COL5A2: variants seen among roughly 807,000 people sequenced by gnomAD.
The protein encoded by COL5A2 is collagen type V alpha 2 chain.
A neutral mutation model predicts 208.2 loss-of-function variants in COL5A2; 23 were observed. That is an observed-to-expected ratio of 0.11 (90% CI 0.08 to 0.16). The LOEUF (loss-of-function observed/expected upper bound fraction) is 0.16. Among genes scored for constraint, COL5A2 ranks in the 10% least tolerant of loss-of-function variants. The pLI is 1.00. For synonymous variants in COL5A2, 625 were observed against 628.5 expected, an observed-to-expected ratio of 0.99 and a Z score of 0.08; for missense variants, 1,590 against 1,956.4, an observed-to-expected ratio of 0.81 and a Z score of 3.53.
chr2:189,422,216 C>A, the COL5A2 span, among the ~76,000 whole-genome samples: 1 of 151,932 alleles, frequency 6.6e-6, no homozygotes, highest in Non-Finnish European at 1.5e-5. Context: ...AACTGCCCGA[C>A]AAAACATTTA....
intron 43 of COL5A2, 58 bp downstream of exon 43, chr2:189,050,511 C>A: frequency 7.4e-7 from 1 of 1,350,974 alleles, no homozygotes; most frequent in South Asian, 1.3e-5. Context: ...AAAATCAATT[C>A]TCTAAACAAT....
At chr2:189,328,433 T>C in the COL5A2 span, among the ~76,000 whole-genome samples, 5,536 of 152,244 alleles carry the variant, frequency 0.036, 114 homozygotes, top group Admixed American at 0.05. Flanking sequence ...GGCAGCACCT[T>C]CCTCAGGCCC....
the COL5A2 span, among the ~76,000 whole-genome samples, chr2:189,413,643 A>T: frequency 6.6e-6 from 1 of 152,114 alleles, no homozygotes; most frequent in Admixed American, 6.5e-5. Flanking sequence ...GGCCGGGTTC[A>T]GTAAAAAGGA....
intron 1 of COL5A2, among the ~76,000 whole-genome samples, chr2:189,201,803 G>A (rs79415415): frequency 6.1e-4 from 92 of 151,828 alleles, no homozygotes; most frequent in Non-Finnish European, 1.1e-3. Context: ...AGAAGGCAGT[G>A]GAATTCTCAA....
chr2:189,071,922 C>A, intron 18 of COL5A2, 118 bp downstream of exon 18: 3 of 688,848 alleles, frequency 4.4e-6, no homozygotes, highest in Non-Finnish European at 7.7e-6. Flanking sequence ...ATACTCTAGG[C>A]TCTTTCCTTA....
chr2:189,255,662 T>A, the COL5A2 span, among the ~76,000 whole-genome samples: 2 of 152,208 alleles, frequency 1.3e-5, no homozygotes, highest in Non-Finnish European at 2.9e-5. Flanking sequence ...TTGGTTCCAA[T>A]GCTAGACATT....
intron 32 of COL5A2, 73 bp downstream of exon 32, chr2:189,058,776 A>G: frequency 2.2e-6 from 3 of 1,350,246 alleles, no homozygotes; most frequent in Non-Finnish European, 3.1e-6. Flanking sequence ...TCCCAGTTTA[A>G]GATTTTAAAA....
chr2:189,254,190 C>A, the COL5A2 span, among the ~76,000 whole-genome samples: 1 of 152,192 alleles, frequency 6.6e-6, no homozygotes, highest in Non-Finnish European at 1.5e-5. Context: ...TCTTACAAAA[C>A]CTTTCCAAAA....
At chr2:189,277,850 A>G in the COL5A2 span, among the ~76,000 whole-genome samples, 1 of 152,124 alleles carries the variant, frequency 6.6e-6, no homozygotes, top group South Asian at 2.1e-4. Flanking sequence ...CTTTGGCAGT[A>G]TATGCATTTG....
At chr2:189,320,033 C>A in the COL5A2 span, among the ~76,000 whole-genome samples, 13 of 152,354 alleles carry the variant, frequency 8.5e-5, no homozygotes, top group South Asian at 2.5e-3. Context: ...GCAGCCTCCA[C>A]TGCTGATATC....
At chr2:189,247,528 A>G in the COL5A2 span, among the ~76,000 whole-genome samples, 1 of 151,932 alleles carries the variant, frequency 6.6e-6, no homozygotes, top group African/African-American at 2.4e-5. Flanking sequence ...TGTCACACTG[A>G]GGAACAGATT....
intron 1 of COL5A2, among the ~76,000 whole-genome samples, chr2:189,153,286 T>C (rs1305518652): frequency 6.6e-6 from 1 of 152,232 alleles, no homozygotes; most frequent in East Asian, 1.9e-4. Flanking sequence ...TATTCTTGCA[T>C]GCTCTTCACA....
At chr2:189,288,384 T>C in the COL5A2 span, among the ~76,000 whole-genome samples, 3 of 152,200 alleles carry the variant, frequency 2.0e-5, no homozygotes, top group African/African-American at 4.8e-5. Flanking sequence ...ACTATGATTG[T>C]ATAGCTTTAA....
chr2:189,073,207 T>C (rs146771630), intron 17 of COL5A2, among the ~76,000 whole-genome samples: 1 of 152,126 alleles, frequency 6.6e-6, no homozygotes, highest in Admixed American at 6.5e-5. Context: ...TCTCTTTCCC[T>C]CATAATATTT....
chr2:189,194,837 C>A (rs1559142983), intron 1 of COL5A2, among the ~76,000 whole-genome samples: 1 of 152,132 alleles, frequency 6.6e-6, no homozygotes, highest in East Asian at 1.9e-4. Context: ...AAGGCCTTTT[C>A]TGCATCTATT....
chr2:189,243,188 A>C, the COL5A2 span, among the ~76,000 whole-genome samples: 44 of 152,224 alleles, frequency 2.9e-4, no homozygotes, highest in African/African-American at 1.0e-3. Context: ...CTGGAAGCTT[A>C]AAGGAAGAAA....
At chr2:189,118,361 G>T (rs1348578252) in intron 1 of COL5A2, among the ~76,000 whole-genome samples, 1 of 151,778 alleles carries the variant, frequency 6.6e-6, no homozygotes, top group Non-Finnish European at 1.5e-5. Context: ...AAACATTTTA[G>T]AATCAATTTA....
chr2:189,072,015 CT>C (rs1414527625), intron 18 of COL5A2, 24 bp downstream of exon 18: 5 of 1,480,012 alleles, frequency 3.4e-6, no homozygotes, highest in Admixed American at 1.7e-5. Flanking sequence ...GCGTTAAATA[CT>C]GTATATTAAC....
the COL5A2 span, among the ~76,000 whole-genome samples, chr2:189,378,671 C>T: frequency 6.7e-6 from 1 of 148,360 alleles, no homozygotes; most frequent in African/African-American, 2.5e-5. Flanking sequence ...TTGCAGTGAG[C>T]AGAGATCACG....
Sources: allele counts gnomAD v4.1 joint callset (sites outside exome capture counted in the v4.1 genomes callset), GRCh38; gene constraint gnomAD v4.1.1; transcripts MANE v1.5; gene names NCBI Gene and HGNC (gene_info 2026-07-23, HGNC 2026-07-21).